The following CSMD1 variants were observed in gnomAD, a reference collection of about 807,000 sequenced individuals.
CSMD1 encodes the protein CUB and sushi domain-containing protein 1.
CSMD1 carries 213 observed loss-of-function variants against 417.5 expected under a neutral mutation model. The observed-to-expected ratio is 0.51, with a 90% CI of 0.46 to 0.57. The LOEUF (loss-of-function observed/expected upper bound fraction) is 0.57, where lower values mean the gene tolerates loss of function less well. Among genes scored for constraint, CSMD1 ranks in the 20% least tolerant of loss-of-function variants. The probability of loss-of-function intolerance (pLI) is 0.00; values close to 1 mark genes in which losing one functional copy is unlikely to be tolerated. For missense variants in CSMD1, 6,923 were observed against 4,529.7 expected (o/e 1.53, Z -15.17); for synonymous variants, 2,862 against 1,736.8 (o/e 1.65, Z -16.11).
chr8:4,541,727 C>A (rs1041117420), intron 2 of CSMD1, among the ~76,000 whole-genome samples: 4 of 151,590 alleles, frequency 2.6e-5, no homozygotes, highest in African/African-American at 9.7e-5. Context: ...AGAGTGAGAC[C>A]CTGTCTAAAT....
intron 5 of CSMD1, among the ~76,000 whole-genome samples, chr8:3,991,752 C>A (rs958506043): frequency 3.9e-5 from 6 of 152,104 alleles, no homozygotes; most frequent in African/African-American, 1.4e-4. Context: ...GAAATGTGGT[C>A]TCAACTTTTT....
intron 5 of CSMD1, among the ~76,000 whole-genome samples, chr8:3,874,284 C>T (rs1471021623): frequency 1.3e-5 from 2 of 152,142 alleles, no homozygotes; most frequent in African/African-American, 4.8e-5. Flanking sequence ...GTCCCTGTGT[C>T]CCTGGACCAC....
intron 5 of CSMD1, among the ~76,000 whole-genome samples, chr8:3,877,259 C>G (rs5001181): frequency 0.071 from 10,864 of 152,184 alleles, 485 homozygotes; most frequent in South Asian, 0.15. Flanking sequence ...GAGCAGATGT[C>G]CTGGTGTGGC....
At chr8:4,507,479 G>A (rs748841124) in intron 2 of CSMD1, among the ~76,000 whole-genome samples, 1 of 152,096 alleles carries the variant, frequency 6.6e-6, no homozygotes, top group Non-Finnish European at 1.5e-5. Flanking sequence ...TTACAAATAA[G>A]TAAAATACAA....
intron 1 of CSMD1, among the ~76,000 whole-genome samples, chr8:4,847,418 C>T (rs919567078): frequency 6.6e-6 from 1 of 152,020 alleles, no homozygotes; most frequent in Non-Finnish European, 1.5e-5. Flanking sequence ...AAATTTCAAA[C>T]ACTTTTGGAT....
At chr8:3,746,601 ATTAAT>A (rs1466881224) in intron 6 of CSMD1, among the ~76,000 whole-genome samples, 1 of 152,232 alleles carries the variant, frequency 6.6e-6, no homozygotes. Context: ...ATTTTTATTC[ATTAAT>A]TTAACATCTC....
At chr8:3,293,706 G>A (rs976396514) in intron 25 of CSMD1, among the ~76,000 whole-genome samples, 11 of 152,184 alleles carry the variant, frequency 7.2e-5, no homozygotes, top group Middle Eastern at 3.4e-3. Flanking sequence ...CTGTGCATTG[G>A]TTATTCTAGT....
intron 3 of CSMD1, among the ~76,000 whole-genome samples, chr8:4,349,441 T>A (rs1563081020): frequency 2.0e-5 from 3 of 152,182 alleles, no homozygotes; most frequent in Non-Finnish European, 4.4e-5. Context: ...AAAGTCAGAT[T>A]TACAACTAGT....
intron 5 of CSMD1, among the ~76,000 whole-genome samples, chr8:3,921,996 C>G (rs1286875311): frequency 6.6e-6 from 1 of 152,058 alleles, no homozygotes; most frequent in Non-Finnish European, 1.5e-5. Flanking sequence ...AAGTTCCATA[C>G]TGTTAATATA....
At chr8:3,109,221 C>T (rs1262624183) in intron 43 of CSMD1, among the ~76,000 whole-genome samples, 3 of 152,116 alleles carry the variant, frequency 2.0e-5, no homozygotes, top group Non-Finnish European at 4.4e-5. Flanking sequence ...GCCAAGATCG[C>T]GCCACTGCAC....
intron 1 of CSMD1, among the ~76,000 whole-genome samples, chr8:4,857,589 C>G (rs990556378): frequency 2.0e-5 from 3 of 152,072 alleles, no homozygotes; most frequent in Non-Finnish European, 4.4e-5. Context: ...GATATCACCA[C>G]CGATCCCACA....
chr8:3,170,007 G>A (rs947526812), intron 37 of CSMD1, among the ~76,000 whole-genome samples: 4 of 152,104 alleles, frequency 2.6e-5, no homozygotes, highest in East Asian at 1.9e-4. Context: ...TAAATTGTGC[G>A]GCCTGACCCC....
chr8:3,771,824 C>T (rs1332142378), intron 5 of CSMD1, among the ~76,000 whole-genome samples: 5 of 152,090 alleles, frequency 3.3e-5, no homozygotes, highest in Admixed American at 2.0e-4. Context: ...GCAGAATGAT[C>T]CGTTCAATAC....
Position 3,133,330 on chromosome 8 carries a change from C to T in CSMD1, c.6241+9135G>A, listed in dbSNP as rs191134131. Among the ~76,000 whole-genome samples, 74 of 152,334 alleles carry T rather than the reference C, an allele frequency of 4.9e-4. 1 individual carries two copies. The highest frequency in any genetic ancestry group is 4.6e-3 in the Admixed American group (71 of 15,302). On this transcript the variant is annotated intron_variant, in intron 41 of 69. Transcript: ENST00000635120. ...ACAGGAGGCTACTTTCCACTACCCT[C>T]CGGGGATGCCGGCTGACCTGAGGAT...
At chr8:3,108,265 A>G (rs918606573) in intron 44 of CSMD1, among the ~76,000 whole-genome samples, 1 of 152,202 alleles carries the variant, frequency 6.6e-6, no homozygotes, top group Non-Finnish European at 1.5e-5. Context: ...CTTTCACACC[A>G]TTTATAGTTA....
intron 2 of CSMD1, among the ~76,000 whole-genome samples, chr8:4,453,173 C>A (rs1406242090): frequency 1.3e-5 from 2 of 151,100 alleles, no homozygotes; most frequent in African/African-American, 4.9e-5. Flanking sequence ...CCGTTCCCCC[C>A]TCCATCCCAA....
chr8:3,823,132 G>T (rs1461549767), intron 5 of CSMD1, among the ~76,000 whole-genome samples: 1 of 152,072 alleles, frequency 6.6e-6, no homozygotes, highest in African/African-American at 2.4e-5. Context: ...TCATCCCAAA[G>T]GTATAAACTG....
At position 3,835,159 on chromosome 8, in the gene CSMD1, G is replaced by C. The variant is rs1293129375; in HGVS notation, c.819-81117C>G. 2.7e-5 allele frequency among the ~76,000 whole-genome samples: 4 copies of C among 147,410 alleles called. No individual in the cohort carries two copies. In the East Asian group the frequency reaches 7.8e-4, roughly 29 times the overall value. On this transcript the variant is annotated intron_variant, in intron 5 of 69. Transcript: ENST00000635120. ...TCCAACCATTGTGGAAGTCAGTGTG[G>C]CGATTCCTCAGGGATCTAGAACTAG...
At chr8:4,375,027 A>G (rs1802642650) in intron 3 of CSMD1, among the ~76,000 whole-genome samples, 1 of 149,410 alleles carries the variant, frequency 6.7e-6, no homozygotes, top group African/African-American at 2.5e-5. Context: ...AGGGAGCTAG[A>G]GCAATTTGTG....
Sources: allele counts gnomAD v4.1 joint callset (sites outside exome capture counted in the v4.1 genomes callset), GRCh38; gene constraint gnomAD v4.1.1; transcripts MANE v1.5; gene names NCBI Gene and HGNC (gene_info 2026-07-23, HGNC 2026-07-21).